The following CRCT1 variants were observed in gnomAD, a reference collection of about 807,000 sequenced individuals.
The protein encoded by CRCT1 is cysteine rich C-terminal 1, also known as cysteine-rich C-terminal protein 1.
For missense variants in CRCT1, 160 were observed against 136.3 expected (o/e 1.17, Z -0.87); for synonymous variants, 86 against 60.3 (o/e 1.43, Z -1.98).
rs1250818394 is a variant in CRCT1, at chr1:152,515,704, CTG to C, written c.*22_*23del. Reference sequence around the variant, plus strand: ...GCTGAGAGGCCCGCAACCCCCAGCGCTGCGCTAGAGAAACCCGCCCAGCCCAG... The same window carrying C: ...GCTGAGAGGCCCGCAACCCCCAGCGCCGCTAGAGAAACCCGCCCAGCCCAG... On this transcript the variant is annotated 3_prime_UTR_variant, in exon 2 of 2. Coordinates refer to ENST00000368790, the MANE Select transcript of CRCT1 (RefSeq NM_019060.3). 2 of 1,472,846 alleles carry C rather than the reference CTG, an allele frequency of 1.4e-6. No homozygotes were observed. Among genetic ancestry groups the C allele is most frequent in the African/African-American group, 2.9e-5 (2 of 69,942 alleles). 91.2% of individuals were successfully genotyped at this position (1,472,846 alleles called of 1,614,324 possible). A position where few individuals can be genotyped will look rare whatever the true frequency, so the allele number is the denominator to read the frequency against.
intron 1 of CRCT1, among the ~76,000 whole-genome samples, chr1:152,515,109 GTCT>G (rs902017494): frequency 1.2e-4 from 19 of 152,346 alleles, no homozygotes; most frequent in Admixed American, 9.8e-4. Flanking sequence ...AACTTGAGCA[GTCT>G]TCTTCTAGTC....
At position 152,515,496 on chromosome 1, in the gene CRCT1, C is replaced by CCTGCTGCGGCTCCGGCAGGGG. The variant is rs1557944185; in HGVS notation, c.124_144dup (p.Ser42_Gly48dup). The CCTGCTGCGGCTCCGGCAGGGG allele has an allele frequency of 1.3e-6, 2 of 1,598,452 alleles. No individual in the cohort carries two copies. Among genetic ancestry groups the CCTGCTGCGGCTCCGGCAGGGG allele is most frequent in the Non-Finnish European group, 1.7e-6 (2 of 1,176,628 alleles). On this transcript the variant is annotated inframe_insertion, in exon 2 of 2. Transcript: ENST00000368790. ...ACCCCGGCGCCCGCCTCCTCCTCCTCCTGCTGCGGCTCCGGCAGGGGCTGC... is the reference window on the plus strand; with the variant it reads ...ACCCCGGCGCCCGCCTCCTCCTCCTCCTGCTGCGGCTCCGGCAGGGGCTGCTGCGGCTCCGGCAGGGGCTGC...
At position 152,515,796 on chromosome 1, in the gene CRCT1, A is replaced by G. The variant is rs1658739732; in HGVS notation, c.*113A>G. On this transcript the variant is annotated 3_prime_UTR_variant, in exon 2 of 2. Coordinates refer to ENST00000368790, the MANE Select transcript of CRCT1 (RefSeq NM_019060.3). ...CCTCGGAGTTTGCCCCGTAAAGCGA[A>G]TTGCACTTTGATGTTCAGAAACCCA... 1 of 1,405,658 alleles carries G rather than the reference A, an allele frequency of 7.1e-7. No homozygotes were observed. The highest frequency in any genetic ancestry group is 1.5e-5 in the African/African-American group (1 of 66,250). The allele number at this position is 1,405,658 out of a possible 1,614,324, so 87.1% of individuals were successfully genotyped here. A position where few individuals can be genotyped will look rare whatever the true frequency, so the allele number is the denominator to read the frequency against.
At position 152,515,921 on chromosome 1, in the gene CRCT1, G is replaced by C. The variant is rs914070401; in HGVS notation, c.*238G>C. On this transcript the variant is annotated 3_prime_UTR_variant, in exon 2 of 2. Transcript: ENST00000368790. ...GGACACTGGACCCTACTGTCTACACGGGCTTGCACACAGCAGGTGCTCAGC... is the reference window on the plus strand; with the variant it reads ...GGACACTGGACCCTACTGTCTACACCGGCTTGCACACAGCAGGTGCTCAGC... 10 of 520,058 alleles carry C rather than the reference G, an allele frequency of 1.9e-5. No individual in the cohort carries two copies. Among genetic ancestry groups the C allele is most frequent in the Non-Finnish European group, 3.2e-5 (10 of 311,164 alleles). 32.2% of individuals were successfully genotyped at this position (520,058 alleles called of 1,614,324 possible). A position where few individuals can be genotyped will look rare whatever the true frequency, so the allele number is the denominator to read the frequency against.
chr1:152,515,591 C>T lies in CRCT1; in HGVS notation c.208C>T (p.Gln70Ter). ...CCCFPRRRRRQRSSGCCCCGG... is the reference protein window; with the variant it reads ...CCCFPRRRRR ...CTGCTTCCCAAGGAGACGCCGCCGA[C>T]AGCGGAGTAGTGGTTGCTGCTGCTG... is the stretch of plus-strand genomic sequence containing the variant. The change falls in exon 2 of 2, where the codon CAG (glutamine) becomes TAG (stop). Residue 70 changes from glutamine (Q) to a stop codon, truncating the protein, a stop_gained. Transcript: ENST00000368790. LOFTEE classifies it low-confidence loss of function (END_TRUNC). 2.5e-6 allele frequency: 4 copies of T among 1,592,528 alleles called. No individual in the cohort carries two copies. Among genetic ancestry groups the T allele is most frequent in the Non-Finnish European group, 2.6e-6 (3 of 1,174,676 alleles).
Position 152,515,619 on chromosome 1 carries a change from G to T in CRCT1, c.236G>T (p.Gly79Val). The change falls in exon 2 of 2, where the codon GGG becomes GTG. Residue 79 changes from glycine to valine, a missense_variant. Transcript: ENST00000368790. ...CGGAGTAGTGGTTGCTGCTGCTGCG[G>T]GGGCGGCAGCCAGAGGTCCCAGCGC... ...RQRSSGCCCC[G>V]GGSQRSQRSN... 6.3e-7 allele frequency: 1 copy of T among 1,585,930 alleles called. No homozygotes were observed. The highest frequency in any genetic ancestry group is 2.3e-5 in the East Asian group (1 of 43,896).
rs749415432 is a variant in CRCT1, at chr1:152,515,455, T to TCCCGCCCCGGCG, written c.76_87dup (p.Ala26_Pro29dup). ...GGTCGTCCCAGGGCCCCGCTCCGTGTCCCGCCCCGGCGCCCACCCCGGCGC... is the reference window on the plus strand; with the variant it reads ...GGTCGTCCCAGGGCCCCGCTCCGTGTCCCGCCCCGGCGCCCGCCCCGGCGCCCACCCCGGCGC... On this transcript the variant is annotated inframe_insertion, in exon 2 of 2. Coordinates refer to ENST00000368790, the MANE Select transcript of CRCT1 (RefSeq NM_019060.3). 8 of 1,602,822 alleles carry TCCCGCCCCGGCG rather than the reference T, an allele frequency of 5.0e-6. No homozygotes were observed. Among genetic ancestry groups the TCCCGCCCCGGCG allele is most frequent in the Non-Finnish European group, 6.8e-6 (8 of 1,177,180 alleles).
Position 152,515,434 on chromosome 1 carries a change from G to A in CRCT1, c.51G>A (p.Ser17=). The change falls in exon 2 of 2, where the codon TCG becomes TCA. Residue 17 remains serine, a synonymous_variant. Coordinates refer to ENST00000368790, the MANE Select transcript of CRCT1 (RefSeq NM_019060.3). The part of the protein sequence containing the change: ...AVSAKGFSKG[S]SQGPAPCPAP... Reference sequence around the variant, plus strand: ...CCGCCAAAGGCTTTTCCAAGGGGTCGTCCCAGGGCCCCGCTCCGTGTCCCG... The same window carrying A: ...CCGCCAAAGGCTTTTCCAAGGGGTCATCCCAGGGCCCCGCTCCGTGTCCCG... 1 of 1,586,074 alleles carries A rather than the reference G, an allele frequency of 6.3e-7. No homozygotes were observed. The highest frequency in any genetic ancestry group is 8.5e-7 in the Non-Finnish European group (1 of 1,169,716).
Position 152,515,519 on chromosome 1 carries a change from T to C in CRCT1, c.136T>C (p.Cys46Arg), listed in dbSNP as rs1386263758. 1 of 1,597,174 alleles carries C rather than the reference T, an allele frequency of 6.3e-7. No homozygotes were observed. Among genetic ancestry groups the C allele is most frequent in the South Asian group, 1.1e-5 (1 of 90,180 alleles). The change falls in exon 2 of 2, where the codon TGC becomes CGC. Residue 46 changes from cysteine to arginine, a missense_variant. By Grantham distance (180) the Cys-to-Arg change is radical (BLOSUM62 -3). Transcript: ENST00000368790. ...CTCCTGCTGCGGCTCCGGCAGGGGC[T>C]GCTGCGGCGACTCAGGCTGCTGCGG... ...SSSCCGSGRG[C>R]CGDSGCCGSS... is the part of the protein sequence containing the mutation.
rs1009644939 is a variant in CRCT1 at position 152,515,703 on chromosome 1, G to A, written c.*20G>A. The A allele has an allele frequency of 7.4e-5, 109 of 1,473,568 alleles. No individual in the cohort carries two copies. Among genetic ancestry groups the A allele is most frequent in the Non-Finnish European group, 9.6e-5 (107 of 1,110,424 alleles). The allele number at this position is 1,473,568 out of a possible 1,614,324, so 91.3% of individuals were successfully genotyped here. ...TGCTGAGAGGCCCGCAACCCCCAGC[G>A]CTGCGCTAGAGAAACCCGCCCAGCC... is the stretch of plus-strand genomic sequence containing the variant. On this transcript the variant is annotated 3_prime_UTR_variant, in exon 2 of 2. Transcript: ENST00000368790.
At position 152,515,510 on chromosome 1, in the gene CRCT1, G is replaced by C. The variant is rs760858302; in HGVS notation, c.127G>C (p.Gly43Arg). Residue 43 changes from glycine (G) to arginine (R), a missense_variant, in exon 2 of 2, where the codon GGC becomes CGC. Gly to Arg is a moderately radical substitution (Grantham distance 125, BLOSUM62 -2). Transcript: ENST00000368790. ...CTCCTCCTCCTCCTGCTGCGGCTCC[G>C]GCAGGGGCTGCTGCGGCGACTCAGG... ...PASSSSCCGS[G>R]RGCCGDSGCC... 6.9e-6 allele frequency: 11 copies of C among 1,597,904 alleles called. No individual in the cohort carries two copies. Among genetic ancestry groups the C allele is most frequent in the Non-Finnish European group, 9.3e-6 (11 of 1,177,064 alleles).
At position 152,515,853 on chromosome 1, in the gene CRCT1, C is replaced by A; in HGVS notation, c.*170C>A. On this transcript the variant is annotated 3_prime_UTR_variant, in exon 2 of 2. Coordinates refer to ENST00000368790, the MANE Select transcript of CRCT1 (RefSeq NM_019060.3). The stretch of plus-strand genomic sequence containing the variant: ...TCTCAGCCACGCAAAACTCCCTGAC[C>A]CCGATGTGATTTTTCTCCCCGGGGA... The A allele has an allele frequency of 8.7e-7, 1 of 1,155,126 alleles. No individual in the cohort carries two copies. Among genetic ancestry groups the A allele is most frequent in the Non-Finnish European group, 1.2e-6 (1 of 857,782 alleles). The allele number at this position is 1,155,126 out of a possible 1,614,324, so 71.6% of individuals were successfully genotyped here. A position where few individuals can be genotyped will look rare whatever the true frequency, so the allele number is the denominator to read the frequency against.
Position 152,515,376 on chromosome 1 carries a change from G to A in CRCT1, c.-8G>A. 3.3e-6 allele frequency: 5 copies of A among 1,507,700 alleles called. No individual in the cohort carries two copies. The highest frequency in any genetic ancestry group is 3.5e-6 in the Non-Finnish European group (4 of 1,132,782). 93.4% of individuals were successfully genotyped at this position (1,507,700 alleles called of 1,614,324 possible). On this transcript the variant is annotated 5_prime_UTR_variant, in exon 2 of 2. Transcript: ENST00000368790. ...CTTTCTTCCAGGTTTGTCGTGAGGA[G>A]CTCCGCGATGTCCTCTCAACAGAGC...
Position 152,515,752 on chromosome 1 carries a change from G to A in CRCT1, c.*69G>A. 1 of 1,411,240 alleles carries A rather than the reference G, an allele frequency of 7.1e-7. No individual in the cohort carries two copies. Among genetic ancestry groups the A allele is most frequent in the Non-Finnish European group, 9.2e-7 (1 of 1,082,996 alleles). 87.4% of individuals were successfully genotyped at this position (1,411,240 alleles called of 1,614,324 possible). ...CCCAGAGCGGGCCCGCCCCGCTGCG[G>A]CTCCCACGCGGGGCTGGGCCTCGGA... On this transcript the variant is annotated 3_prime_UTR_variant, in exon 2 of 2. Transcript: ENST00000368790.
rs567825771 is a variant in CRCT1, at chr1:152,514,804, G to T, written c.-23+252G>T. 1.3e-3 allele frequency among the ~76,000 whole-genome samples: 202 copies of T among 152,288 alleles called. 1 individual carries two copies. Among genetic ancestry groups the T allele is most frequent in the Middle Eastern group, 0.01 (3 of 294 alleles). On this transcript the variant is annotated intron_variant, in intron 1 of 1. Coordinates refer to ENST00000368790, the MANE Select transcript of CRCT1 (RefSeq NM_019060.3). ...CCAGGTCTTTCAGCTCCCTGGATGG[G>T]GTTATTTATATTGGCACAACTCTCC...
At chr1:152,514,820 A>C (rs989772217) in intron 1 of CRCT1, among the ~76,000 whole-genome samples, 3 of 152,178 alleles carry the variant, frequency 2.0e-5, no homozygotes, top group African/African-American at 7.2e-5. Context: ...TTATATTGGC[A>C]CAACTCTCCT....
At chr1:152,514,675 T>C (rs1350603326) in intron 1 of CRCT1, 123 bp downstream of exon 1, 1 of 152,216 alleles carries the variant, frequency 6.6e-6, no homozygotes, top group African/African-American at 2.4e-5. Flanking sequence ...CCTACGCTTC[T>C]AGTGAGCCAA....
Position 152,515,361 on chromosome 1 carries a change from G to A in CRCT1, c.-22-1G>A, listed in dbSNP as rs1159590580. The A allele has an allele frequency of 2.0e-6, 3 of 1,492,904 alleles. No individual in the cohort carries two copies. The East Asian group carries it at 7.2e-5, about 36-fold the overall frequency. The allele number at this position is 1,492,904 out of a possible 1,614,324, so 92.5% of individuals were successfully genotyped here. A position where few individuals can be genotyped will look rare whatever the true frequency, so the allele number is the denominator to read the frequency against. Reference sequence around the variant, plus strand: ...CCTTTGAAAGGCTGCCTTTCTTCCAGGTTTGTCGTGAGGAGCTCCGCGATG... The same window carrying A: ...CCTTTGAAAGGCTGCCTTTCTTCCAAGTTTGTCGTGAGGAGCTCCGCGATG... On this transcript the variant is annotated splice_acceptor_variant, in intron 1 of 1. Coordinates refer to ENST00000368790, the MANE Select transcript of CRCT1 (RefSeq NM_019060.3). LOFTEE classifies it low-confidence loss of function (5UTR_SPLICE).
At chr1:152,514,863 G>A (rs1056552982) in intron 1 of CRCT1, among the ~76,000 whole-genome samples, 3 of 152,172 alleles carry the variant, frequency 2.0e-5, no homozygotes, top group African/African-American at 4.8e-5. Context: ...GAGAGGCGTA[G>A]GCAAGAAAGA....
Sources: allele counts gnomAD v4.1 joint callset (sites outside exome capture counted in the v4.1 genomes callset), GRCh38; gene constraint gnomAD v4.1.1; transcripts MANE v1.5; gene names NCBI Gene and HGNC (gene_info 2026-07-23, HGNC 2026-07-21).